Variants in ANKRD2 observed in about 807,000 individuals in gnomAD.
ANKRD2 encodes the protein ankyrin repeat domain-containing protein 2.
A neutral mutation model predicts 37.3 loss-of-function variants in ANKRD2; 35 were observed. The ratio of observed to expected loss-of-function variants is 0.94; its 90% CI spans 0.72 to 1.24. The LOEUF is 1.24. Among genes scored for constraint, ANKRD2 ranks in the 50% most tolerant of loss-of-function variants. The pLI is 0.00. For missense variants in ANKRD2, 410 were observed against 445.6 expected, an observed-to-expected ratio of 0.92 and a Z score of 0.72; for synonymous variants, 159 against 186.5, an observed-to-expected ratio of 0.85 and a Z score of 1.20.
At position 97,581,338 on chromosome 10, in the gene ANKRD2, G is replaced by A. The variant is rs1160019813; in HGVS notation, c.578G>A (p.Trp193Ter). Reference protein sequence around the residue: ...QDRLDCTAMHWACRGGHLEVV... With the variant: ...QDRLDCTAMH ...TAGCTGGACTGCACAGCCATGCATT[G>A]GGCCTGCCGCGGGGGCCACTTAGAG... The change falls in exon 6 of 9, where the codon TGG (tryptophan) becomes TAG (stop). Residue 193 changes from tryptophan (W) to a stop codon, truncating the protein, a stop_gained. Coordinates refer to ENST00000370655, the MANE Select transcript of ANKRD2 (RefSeq NM_001346793.2). LOFTEE classifies it high-confidence loss of function. 2 of 1,614,008 alleles carry A rather than the reference G, an allele frequency of 1.2e-6. No homozygotes were observed. The highest frequency in any genetic ancestry group is 2.2e-5 in the East Asian group (1 of 44,898).
At chr10:97,581,180 G>T in intron 5 of ANKRD2, 136 bp from the exon 6 acceptor site, 1 of 878,842 alleles carries the variant, frequency 1.1e-6, no homozygotes, top group Non-Finnish European at 1.8e-6. Context: ...TGTTCCACTT[G>T]GTCCATTGCC....
intron 4 of ANKRD2, among the ~76,000 whole-genome samples, chr10:97,579,342 T>A (rs2040868757): frequency 6.6e-6 from 1 of 150,556 alleles, no homozygotes; most frequent in Non-Finnish European, 1.5e-5. Context: ...AGTCTCACTC[T>A]GTCACCCAGG....
upstream of ANKRD2, chr10:97,572,602 G>T: frequency 7.3e-7 from 1 of 1,374,698 alleles, no homozygotes; most frequent in South Asian, 1.5e-5. Context: ...GAGTTGGGGG[G>T]GCAACTGGCT....
At position 97,583,818 on chromosome 10, in the gene ANKRD2, C is replaced by CCTTTTTT; in HGVS notation, c.*96_*102dup. 1 of 1,361,526 alleles carries CCTTTTTT rather than the reference C, an allele frequency of 7.3e-7. No individual in the cohort carries two copies. Among genetic ancestry groups the CCTTTTTT allele is most frequent in the Non-Finnish European group, 9.6e-7 (1 of 1,043,200 alleles). The allele number at this position is 1,361,526 out of a possible 1,614,324, so 84.3% of individuals were successfully genotyped here. On this transcript the variant is annotated 3_prime_UTR_variant, in exon 9 of 9. Coordinates refer to ENST00000370655, the MANE Select transcript of ANKRD2 (RefSeq NM_001346793.2). ...CTCCCGGAGCTAACTGAGGGCCCAGCCTTTTTTCTGCATGATCCAGGAGCA... is the reference window on the plus strand; with the variant it reads ...CTCCCGGAGCTAACTGAGGGCCCAGCCTTTTTTCTTTTTTCTGCATGATCCAGGAGCA...
At chr10:97,581,278 C>T in intron 5 of ANKRD2, 38 bp from the exon 6 acceptor site, 1 of 1,594,458 alleles carries the variant, frequency 6.3e-7, no homozygotes, top group Non-Finnish European at 8.6e-7. Context: ...ACTTTCTTCC[C>T]TGCAGCTCTG....
intron 1 of ANKRD2, among the ~76,000 whole-genome samples, chr10:97,577,045 T>G (rs1259689631): frequency 6.9e-6 from 1 of 145,738 alleles, no homozygotes; most frequent in Admixed American, 6.8e-5. Context: ...TCACTGTCAC[T>G]CAGGCTGGAG....
At chr10:97,580,504 A>G (rs2040883771) in intron 4 of ANKRD2, among the ~76,000 whole-genome samples, 1 of 152,160 alleles carries the variant, frequency 6.6e-6, no homozygotes, top group Non-Finnish European at 1.5e-5. Flanking sequence ...CCTGGCCTAG[A>G]GGTTTCAAGG....
rs2040890845 is a variant in ANKRD2 at position 97,580,954 on chromosome 10, G to C, written c.555+1G>C. 6.3e-7 allele frequency: 1 copy of C among 1,582,680 alleles called. No individual in the cohort carries two copies. The highest frequency in any genetic ancestry group is 1.8e-5 in the Admixed American group (1 of 54,666). On this transcript the variant is annotated splice_donor_variant, in intron 5 of 8. Coordinates refer to ENST00000370655, the MANE Select transcript of ANKRD2 (RefSeq NM_001346793.2). LOFTEE classifies it high-confidence loss of function. ...GGCCACTGTGGACTTCCAGGATCGG[G>C]TGAGTGAGAGGGCAGGTATTCAATG...
Position 97,581,366 on chromosome 10 carries a change from G to A in ANKRD2, c.606G>A (p.Val202=), listed in dbSNP as rs777018948. The change falls in exon 6 of 9, where the codon GTG becomes GTA. Residue 202 remains valine, a synonymous_variant. Transcript: ENST00000370655. ...CCTGCCGCGGGGGCCACTTAGAGGT[G>A]GTGAAACTTCTGCAAAGCCATGGAG... The part of the protein sequence containing the change: ...HWACRGGHLE[V]VKLLQSHGAD... The A allele has an allele frequency of 5.0e-6, 8 of 1,614,196 alleles. No homozygotes were observed. The highest frequency in any genetic ancestry group is 2.2e-5 in the East Asian group (1 of 44,890).
chr10:97,581,573 C>T (rs936169413), intron 6 of ANKRD2, among the ~76,000 whole-genome samples, 159 bp downstream of exon 6: 3 of 152,188 alleles, frequency 2.0e-5, no homozygotes, highest in Non-Finnish European at 4.4e-5. Context: ...ACTGGGCCTC[C>T]CAGCCCAGGG....
chr10:97,577,329 G>T (rs1365944234), intron 1 of ANKRD2, among the ~76,000 whole-genome samples: 1 of 151,862 alleles, frequency 6.6e-6, no homozygotes, highest in Admixed American at 6.6e-5. Flanking sequence ...ACACGATCTT[G>T]CTATGTCTCT....
intron 8 of ANKRD2, among the ~76,000 whole-genome samples, chr10:97,583,031 G>A (rs1315284016): frequency 2.0e-5 from 3 of 152,174 alleles, no homozygotes; most frequent in African/African-American, 7.2e-5. Flanking sequence ...GGAAGGGACC[G>A]AGCACTCAGC....
At chr10:97,575,647 C>T (rs542607754) in intron 1 of ANKRD2, among the ~76,000 whole-genome samples, 2 of 152,318 alleles carry the variant, frequency 1.3e-5, no homozygotes, top group South Asian at 4.1e-4. Flanking sequence ...CAGTAGCTCA[C>T]GCCTGTAATC....
intron 1 of ANKRD2, among the ~76,000 whole-genome samples, chr10:97,573,417 G>A (rs2040784649): frequency 1.3e-5 from 2 of 151,962 alleles, no homozygotes; most frequent in Non-Finnish European, 2.9e-5. Flanking sequence ...AGGGGGTGCT[G>A]GCTTGTCCTA....
chr10:97,578,144 GCCCACCCCAC>G, intron 2 of ANKRD2, 86 bp from the exon 3 acceptor site: 2 of 685,446 alleles, frequency 2.9e-6, no homozygotes, highest in African/African-American at 3.6e-5. Context: ...GGGTCTTCCT[GCCCACCCCAC>G]CCTCCCCACC....
intron 6 of ANKRD2, among the ~76,000 whole-genome samples, chr10:97,581,784 C>G (rs956429941): frequency 2.6e-5 from 4 of 152,226 alleles, no homozygotes; most frequent in Non-Finnish European, 4.4e-5. Flanking sequence ...TCCATCCATC[C>G]ATTCCTCCAT....
Position 97,578,229 on chromosome 10 carries a change from A to C in ANKRD2, c.190-11A>C. 1 of 1,380,570 alleles carries C rather than the reference A, an allele frequency of 7.2e-7. No homozygotes were observed. Among genetic ancestry groups the C allele is most frequent in the South Asian group, 1.1e-5 (1 of 88,020 alleles). 85.5% of individuals were successfully genotyped at this position (1,380,570 alleles called of 1,614,324 possible). A position where few individuals can be genotyped will look rare whatever the true frequency, so the allele number is the denominator to read the frequency against. On this transcript the variant is annotated splice_polypyrimidine_tract_variant and intron_variant, in intron 2 of 8. Coordinates refer to ENST00000370655, the MANE Select transcript of ANKRD2 (RefSeq NM_001346793.2). Reference sequence around the variant, plus strand: ...GCCCGGCCTGGGGGGTTGATGGGCCATCCCGCGCAGGGCCAAGAGCGCGTG... The same window carrying C: ...GCCCGGCCTGGGGGGTTGATGGGCCCTCCCGCGCAGGGCCAAGAGCGCGTG...
intron 1 of ANKRD2, among the ~76,000 whole-genome samples, chr10:97,575,448 A>G (rs1369495269): frequency 6.6e-6 from 1 of 152,182 alleles, no homozygotes; most frequent in East Asian, 1.9e-4. Context: ...CTAAGCACCT[A>G]CTATGTGCTA....
At chr10:97,581,463 A>G (rs2040898094) in intron 6 of ANKRD2, 49 bp downstream of exon 6, 1 of 1,590,006 alleles carries the variant, frequency 6.3e-7, no homozygotes, top group Non-Finnish European at 8.6e-7. Context: ...GGCTGTGGGG[A>G]GAAAGGCAGG....
Sources: allele counts gnomAD v4.1 joint callset (sites outside exome capture counted in the v4.1 genomes callset), GRCh38; gene constraint gnomAD v4.1.1; transcripts MANE v1.5; gene names NCBI Gene and HGNC (gene_info 2026-07-23, HGNC 2026-07-21).